FARSB: variants seen among roughly 807,000 people sequenced by gnomAD.
The protein encoded by FARSB is phenylalanine--tRNA ligase beta subunit.
In FARSB, 40 loss-of-function variants were observed where a neutral mutation model predicts 69.6. The observed-to-expected ratio is 0.57, with a 90% CI of 0.45 to 0.75. The LOEUF (loss-of-function observed/expected upper bound fraction) is 0.75. Ranked by LOEUF, FARSB falls within the 30% of genes least tolerant of loss-of-function variation. The probability of loss-of-function intolerance (pLI) is 0.00; values close to 1 mark genes in which losing one functional copy is unlikely to be tolerated. For missense variants in FARSB, 632 were observed against 722.9 expected, an observed-to-expected ratio of 0.87 and a Z score of 1.44; for synonymous variants, 235 against 247.2, an observed-to-expected ratio of 0.95 and a Z score of 0.46.
intron 15 of FARSB, among the ~76,000 whole-genome samples, chr2:222,612,438 G>T (rs577811223): frequency 2.8e-4 from 43 of 152,338 alleles, no homozygotes; most frequent in Admixed American, 2.5e-3. Flanking sequence ...TGGAGAGTTT[G>T]CCATGGACAG....
Position 222,623,642 on chromosome 2 carries a change from A to G in FARSB, c.1251+8T>C. ...ATCATCTGGGCAGAAAAAGCATGTA[A>G]GACATACCAGGGCAAAGGTAAGTGC... On this transcript the variant is annotated splice_region_variant and intron_variant, in intron 13 of 16. Coordinates refer to ENST00000281828, the MANE Select transcript of FARSB (RefSeq NM_005687.5). The G allele has an allele frequency of 2.6e-6, 4 of 1,534,592 alleles. No homozygotes were observed. Among genetic ancestry groups the G allele is most frequent in the Non-Finnish European group, 3.6e-6 (4 of 1,107,412 alleles).
rs769592948 is a variant in FARSB, at chr2:222,569,283, T to A, written c.*2588A>T. On this transcript the variant is annotated 3_prime_UTR_variant, in exon 17 of 17. Coordinates refer to ENST00000281828, the MANE Select transcript of FARSB (RefSeq NM_005687.5). ...GTAATTTTGGCCACCCCCAAAAATA[T>A]CCAGGTGGGTAGCTGCTGACAGAAC... The A allele has an allele frequency of 6.6e-6, 1 of 152,212 alleles. No homozygotes were observed. The highest frequency in any genetic ancestry group is 2.4e-5 in the African/African-American group (1 of 41,462). 9.4% of individuals were successfully genotyped at this position (152,212 alleles called of 1,614,324 possible).
intron 13 of FARSB, among the ~76,000 whole-genome samples, chr2:222,622,369 G>A (rs1418629833): frequency 6.6e-6 from 1 of 152,134 alleles, no homozygotes; most frequent in Non-Finnish European, 1.5e-5. Context: ...TAAAAGGGCA[G>A]GGAAAAATGC....
At chr2:222,575,510 C>T (rs1417672196) in intron 16 of FARSB, among the ~76,000 whole-genome samples, 2 of 152,210 alleles carry the variant, frequency 1.3e-5, no homozygotes, top group African/African-American at 4.8e-5. Context: ...TGTAGTATTA[C>T]AATTTTCAAT....
Position 222,600,063 on chromosome 2 carries a change from T to G in FARSB, c.1483A>C (p.Arg495=). ...TTGTAATAAACAGCACAGAGATGTCTGTAGTTTTTTGCACCTACATCTAGA... is the reference window on the plus strand; with the variant it reads ...TTGTAATAAACAGCACAGAGATGTCGGTAGTTTTTTGCACCTACATCTAGA... The part of the protein sequence containing the change: ...SNTDVGAKNY[R]HLCAVYYNKN... Residue 495 remains arginine (R), a synonymous_variant, in exon 16 of 17, where the codon AGA becomes CGA. Coordinates refer to ENST00000281828, the MANE Select transcript of FARSB (RefSeq NM_005687.5). 1 of 1,607,022 alleles carries G rather than the reference T, an allele frequency of 6.2e-7. No homozygotes were observed. Among genetic ancestry groups the G allele is most frequent in the Non-Finnish European group, 8.5e-7 (1 of 1,178,424 alleles).
At position 222,611,917 on chromosome 2, in the gene FARSB, T is replaced by A. The variant is rs557531486; in HGVS notation, c.1462+1894A>T. ...CATGGCCCTCAGCGAGCCCTAGCAA[T>A]TAGGGAAGAGGCCTACTGCTGAAAC... On this transcript the variant is annotated intron_variant, in intron 15 of 16. Coordinates refer to ENST00000281828, the MANE Select transcript of FARSB (RefSeq NM_005687.5). 5.9e-5 allele frequency among the ~76,000 whole-genome samples: 9 copies of A among 152,280 alleles called. No individual in the cohort carries two copies. The South Asian group carries it at 1.9e-3, about 32-fold the overall frequency.
intron 16 of FARSB, among the ~76,000 whole-genome samples, chr2:222,573,509 T>C (rs113040253): frequency 6.6e-6 from 1 of 152,226 alleles, no homozygotes; most frequent in South Asian, 2.1e-4. Flanking sequence ...AATATTCACA[T>C]TCATATGAAT....
At position 222,630,175 on chromosome 2, in the gene FARSB, CT is replaced by C; in HGVS notation, c.787-2del. On this transcript the variant is annotated splice_acceptor_variant, in intron 8 of 16. Transcript: ENST00000281828. LOFTEE classifies it high-confidence loss of function. ...CAATAATATCAAGAACTATTTTTGC[CT>C]GCAAAGAAAAGAAAAACAAATATAG... The C allele has an allele frequency of 6.7e-7, 1 of 1,500,656 alleles. No individual in the cohort carries two copies. Among genetic ancestry groups the C allele is most frequent in the Non-Finnish European group, 9.0e-7 (1 of 1,112,204 alleles). The allele number at this position is 1,500,656 out of a possible 1,614,324, so 93.0% of individuals were successfully genotyped here.
chr2:222,646,643 G>A (rs1242405462), intron 2 of FARSB, among the ~76,000 whole-genome samples: 1 of 152,316 alleles, frequency 6.6e-6, no homozygotes, highest in East Asian at 1.9e-4. Context: ...TTTTAATGAG[G>A]AGGTATAATC....
At chr2:222,579,176 C>T (rs951247397) in intron 16 of FARSB, among the ~76,000 whole-genome samples, 3 of 152,096 alleles carry the variant, frequency 2.0e-5, no homozygotes, top group African/African-American at 7.2e-5. Flanking sequence ...GGAGAGTAAG[C>T]AAAAGGTGAA....
rs1690680155 is a variant in FARSB, at chr2:222,605,414, A to G, written c.1463-5331T>C. 2.0e-5 allele frequency among the ~76,000 whole-genome samples: 3 copies of G among 152,168 alleles called. No individual in the cohort carries two copies. In the South Asian group the frequency reaches 6.2e-4, roughly 32 times the overall value. On this transcript the variant is annotated intron_variant, in intron 15 of 16. Coordinates refer to ENST00000281828, the MANE Select transcript of FARSB (RefSeq NM_005687.5). ...GCTGTGAGAGAAGAGCCCAACAGTA[A>G]TACTACCATTAAGAGAGAGCTTAGC... is the stretch of plus-strand genomic sequence containing the variant.
At chr2:222,650,436 A>G (rs1282841328) in intron 1 of FARSB, among the ~76,000 whole-genome samples, 1 of 152,182 alleles carries the variant, frequency 6.6e-6, no homozygotes, top group African/African-American at 2.4e-5. Context: ...GACTTCATTT[A>G]AAGCAGCACC....
chr2:222,644,445 AAAGAG>A (rs1691797168), intron 2 of FARSB: 1 of 435,420 alleles, frequency 2.3e-6, no homozygotes, highest in Non-Finnish European at 4.7e-6. Context: ...GGAGAGGCAA[AAAGAG>A]AAGAGGAAGA....
At chr2:222,653,114 G>C (rs1461889197) in intron 1 of FARSB, among the ~76,000 whole-genome samples, 1 of 152,226 alleles carries the variant, frequency 6.6e-6, no homozygotes, top group Non-Finnish European at 1.5e-5. Context: ...TTGAAGAGCA[G>C]TGATAATAAA....
intron 16 of FARSB, among the ~76,000 whole-genome samples, chr2:222,576,392 G>A (rs1250171472): frequency 6.6e-6 from 1 of 151,878 alleles, no homozygotes; most frequent in Non-Finnish European, 1.5e-5. Context: ...AAAGGGGGGG[G>A]CAGGGAACAC....
chr2:222,630,402 G>C (rs1005082441), intron 8 of FARSB, among the ~76,000 whole-genome samples: 2 of 152,118 alleles, frequency 1.3e-5, no homozygotes, highest in African/African-American at 4.8e-5. Context: ...GAGACAAATC[G>C]TTTCGTTCCC....
chr2:222,648,739 C>T lies in FARSB; in HGVS notation c.114+1G>A. On this transcript the variant is annotated splice_donor_variant, in intron 2 of 16. Transcript: ENST00000281828. LOFTEE classifies it high-confidence loss of function. ...AAAATAGACAAATATCCAATACATA[C>T]AATTTCATCAAGCTCCAGACCAAAT... 6.4e-7 allele frequency: 1 copy of T among 1,571,678 alleles called. No homozygotes were observed. The highest frequency in any genetic ancestry group is 8.8e-7 in the Non-Finnish European group (1 of 1,141,528).
intron 15 of FARSB, among the ~76,000 whole-genome samples, chr2:222,605,189 CTCTCTG>C (rs1690671097): frequency 6.6e-6 from 1 of 151,904 alleles, no homozygotes; most frequent in Admixed American, 6.6e-5. Flanking sequence ...CTCTCTCTCT[CTCTCTG>C]TGTCTCCCTT....
intron 2 of FARSB, among the ~76,000 whole-genome samples, chr2:222,647,520 C>T (rs1236679746): frequency 6.6e-6 from 1 of 152,198 alleles, no homozygotes; most frequent in Admixed American, 6.5e-5. Context: ...TCAGACTTCA[C>T]AGCCTGCAGC....
Sources: allele counts gnomAD v4.1 joint callset (sites outside exome capture counted in the v4.1 genomes callset), GRCh38; gene constraint gnomAD v4.1.1; transcripts MANE v1.5; gene names NCBI Gene and HGNC (gene_info 2026-07-23, HGNC 2026-07-21).